The following RARB variants were observed in gnomAD, a reference collection of about 807,000 sequenced individuals.
The protein encoded by RARB is retinoic acid receptor beta.
In RARB, 17 loss-of-function variants were observed where a neutral mutation model predicts 51.9. The observed-to-expected ratio is 0.33, with a 90% CI of 0.22 to 0.49. The LOEUF (loss-of-function observed/expected upper bound fraction) is 0.49. Among genes scored for constraint, RARB ranks in the 20% least tolerant of loss-of-function variants. The pLI, the probability that RARB is intolerant of heterozygous loss-of-function variation, is 0.99. For missense variants in RARB, 369 were observed against 550.8 expected (o/e 0.67, Z 3.30); for synonymous variants, 215 against 195.4 (o/e 1.10, Z -0.84).
intron 2 of RARB, among the ~76,000 whole-genome samples, chr3:24,915,136 A>G (rs1282219189): frequency 6.6e-6 from 1 of 152,204 alleles, no homozygotes; most frequent in Admixed American, 6.5e-5. Context: ...TTGGTTTTAG[A>G]CAAGAGATAC....
chr3:25,456,698 G>A (rs1341183958), intron 1 of RARB, among the ~76,000 whole-genome samples: 3 of 146,976 alleles, frequency 2.0e-5, no homozygotes, highest in African/African-American at 7.5e-5. Context: ...GAGAGAGAGA[G>A]AGAGAGAGAG....
chr3:24,932,516 C>T (rs1383283628), intron 2 of RARB, among the ~76,000 whole-genome samples: 35 of 151,628 alleles, frequency 2.3e-4, no homozygotes, highest in Admixed American at 2.3e-3. Context: ...TTAGTGTACT[C>T]TACATATGCG....
chr3:25,199,887 A>G (rs940014883), intron 5 of RARB, among the ~76,000 whole-genome samples: 1 of 152,186 alleles, frequency 6.6e-6, no homozygotes, highest in Non-Finnish European at 1.5e-5. Flanking sequence ...GCTATTGTGA[A>G]TAGTGCCACA....
At position 25,106,454 on chromosome 3, in the gene RARB, T is replaced by TG. The variant is rs572269395; in HGVS notation, c.-327-25707_-327-25706insG. Among the ~76,000 whole-genome samples, 41 of 89,898 alleles carry TG rather than the reference T, an allele frequency of 4.6e-4. 3 individuals carry two copies. Among genetic ancestry groups the TG allele is most frequent in the East Asian group, 7.3e-4 (1 of 1,378 alleles). 59.0% of individuals were successfully genotyped at this position (89,898 alleles called of 152,430 possible). A position where few individuals can be genotyped will look rare whatever the true frequency, so the allele number is the denominator to read the frequency against. ...CCATGCCCAGCTACTGTTTTTTGTT[T>TG]TTTGTTTTTTTTTGTTTTGTTTTTT... On this transcript the variant is annotated intron_variant, in intron 3 of 11. Transcript: ENST00000383772.
intron 2 of RARB, among the ~76,000 whole-genome samples, chr3:24,863,859 T>C (rs995181110): frequency 6.6e-6 from 1 of 152,022 alleles, no homozygotes; most frequent in Non-Finnish European, 1.5e-5. Context: ...CCCAGAAACT[T>C]CTGTATCTAT....
chr3:25,243,334 T>C (rs1044626613), intron 5 of RARB, among the ~76,000 whole-genome samples: 1 of 152,204 alleles, frequency 6.6e-6, no homozygotes, highest in Admixed American at 6.5e-5. Flanking sequence ...GACCAGAACT[T>C]TCAATACTGT....
chr3:24,927,829 T>A (rs1298538683), intron 2 of RARB, among the ~76,000 whole-genome samples: 1 of 152,062 alleles, frequency 6.6e-6, no homozygotes. Context: ...GCTAGAAATT[T>A]TTCATGTTTT....
chr3:24,890,545 T>G (rs764486829), intron 2 of RARB, among the ~76,000 whole-genome samples: 24 of 152,070 alleles, frequency 1.6e-4, no homozygotes, highest in Middle Eastern at 3.4e-3. Context: ...GTCTGGGAGT[T>G]GGAAATCAGC....
chr3:25,200,872 G>A (rs1701372460), intron 5 of RARB, among the ~76,000 whole-genome samples: 1 of 152,146 alleles, frequency 6.6e-6, no homozygotes, highest in Non-Finnish European at 1.5e-5. Flanking sequence ...AAGTCAGGTA[G>A]CATGATACCT....
chr3:24,918,214 C>G (rs182205748), intron 2 of RARB, among the ~76,000 whole-genome samples: 1 of 152,304 alleles, frequency 6.6e-6, no homozygotes, highest in Non-Finnish European at 1.5e-5. Context: ...TATTATTCAG[C>G]AATGCAAATG....
At chr3:25,225,854 G>A (rs1235002544) in intron 5 of RARB, among the ~76,000 whole-genome samples, 2 of 152,170 alleles carry the variant, frequency 1.3e-5, no homozygotes, top group Non-Finnish European at 2.9e-5. Context: ...GGAAGTTAGA[G>A]TTGAGCAACC....
At chr3:25,328,037 A>G (rs189092619) in intron 5 of RARB, among the ~76,000 whole-genome samples, 17 of 152,374 alleles carry the variant, frequency 1.1e-4, no homozygotes, top group South Asian at 8.3e-4. Flanking sequence ...CAAGAATTAT[A>G]AATATTTCTA....
chr3:25,019,789 A>G (rs553555375), intron 2 of RARB, among the ~76,000 whole-genome samples: 19 of 152,270 alleles, frequency 1.2e-4, no homozygotes, highest in Admixed American at 1.0e-3. Flanking sequence ...AGGGCAGCAC[A>G]TTTTGGAAAG....
At chr3:25,450,535 C>T (rs1275095375) in intron 1 of RARB, among the ~76,000 whole-genome samples, 5 of 152,130 alleles carry the variant, frequency 3.3e-5, no homozygotes, top group African/African-American at 4.8e-5. Context: ...TTGTTGTCCC[C>T]ACTCTTTGGT....
intron 2 of RARB, among the ~76,000 whole-genome samples, chr3:25,037,293 A>G (rs982008522): frequency 2.6e-5 from 4 of 151,500 alleles, no homozygotes; most frequent in Non-Finnish European, 4.4e-5. Flanking sequence ...CATGGCGAAT[A>G]AAGTTTCAAA....
chr3:25,436,774 C>T (rs1708453314), intron 1 of RARB, among the ~76,000 whole-genome samples: 1 of 152,156 alleles, frequency 6.6e-6, no homozygotes, highest in African/African-American at 2.4e-5. Context: ...AATTTTCTTG[C>T]ACTCAGCAGA....
chr3:25,126,170 T>A (rs1008898001), intron 3 of RARB, among the ~76,000 whole-genome samples: 1 of 152,204 alleles, frequency 6.6e-6, no homozygotes, highest in African/African-American at 2.4e-5. Flanking sequence ...ATAAAACATT[T>A]AGGGGTCTGT....
intron 2 of RARB, among the ~76,000 whole-genome samples, chr3:24,895,447 C>G (rs111560851): frequency 1.3e-5 from 2 of 152,248 alleles, no homozygotes; most frequent in South Asian, 2.1e-4. Context: ...GGATGAAGCC[C>G]TAGAGTTTGG....
rs148684066 is a variant in RARB at position 25,383,895 on chromosome 3, A to G, written c.179-77298A>G. ...CAGTGAGCTGAGTTCACGCCATTGCACTCCAACCTGGGGGACAAGAGTGAG... is the reference window on the plus strand; with the variant it reads ...CAGTGAGCTGAGTTCACGCCATTGCGCTCCAACCTGGGGGACAAGAGTGAG... On this transcript the variant is annotated intron_variant, in intron 5 of 11. Coordinates refer to the RARB transcript ENST00000383772. Among the ~76,000 whole-genome samples the G allele has an allele frequency of 5.8e-3, 870 of 150,640 alleles. 10 individuals are homozygous for G. Among genetic ancestry groups the G allele is most frequent in the African/African-American group, 0.02 (821 of 40,832 alleles).
Sources: gnomAD v4.1 joint callset for allele counts (sites outside exome capture counted in the v4.1 genomes callset) on GRCh38, gnomAD v4.1.1 for gene constraint, MANE v1.5 for transcripts, NCBI Gene and HGNC (gene_info 2026-07-23, HGNC 2026-07-21) for gene names.